Variants in SEC22C observed in about 807,000 individuals in gnomAD.
The protein encoded by SEC22C is vesicle-trafficking protein SEC22c.
In SEC22C, 29 loss-of-function variants were observed where a neutral mutation model predicts 34.7. That is an observed-to-expected ratio of 0.84 (90% CI 0.62 to 1.14). The LOEUF (loss-of-function observed/expected upper bound fraction) is 1.14. Among genes scored for constraint, SEC22C ranks in the 50% most tolerant of loss-of-function variants. The pLI, the probability that SEC22C is intolerant of heterozygous loss-of-function variation, is 0.00. For synonymous variants in SEC22C, 117 were observed against 132.8 expected, an observed-to-expected ratio of 0.88 and a Z score of 0.82; for missense variants, 337 against 369.0, an observed-to-expected ratio of 0.91 and a Z score of 0.71.
intron 4 of SEC22C, among the ~76,000 whole-genome samples, chr3:42,560,020 T>G (rs931501659): frequency 6.6e-6 from 1 of 150,908 alleles, no homozygotes; most frequent in Admixed American, 6.6e-5. Context: ...AACGCTCTCA[T>G]CCCCACTGTC....
intron 1 of SEC22C, chr3:42,600,747 A>T: frequency 5.9e-6 from 2 of 339,834 alleles, no homozygotes; most frequent in Non-Finnish European, 1.1e-5. Flanking sequence ...TCTTCTGCTC[A>T]CGGGGACCCG....
intron 1 of SEC22C, chr3:42,591,105 A>G (rs577666199): frequency 1.0e-6 from 1 of 975,764 alleles, no homozygotes; most frequent in South Asian, 1.5e-5. Context: ...GCGGGGTGAG[A>G]TGGGCACGAA....
At chr3:42,590,279 A>T (rs1041405955) in intron 1 of SEC22C, among the ~76,000 whole-genome samples, 5 of 152,178 alleles carry the variant, frequency 3.3e-5, no homozygotes, top group African/African-American at 4.8e-5. Flanking sequence ...GCACAGAGTG[A>T]TGTAGAGAGG....
chr3:42,568,954 C>CA lies in SEC22C; in HGVS notation c.92dup (p.Leu31PhefsTer27), dbSNP rs771544346. 1 of 1,614,130 alleles carries CA rather than the reference C, an allele frequency of 6.2e-7. No homozygotes were observed. On this transcript the variant is annotated frameshift_variant, in exon 2 of 7. Coordinates refer to ENST00000264454, the MANE Select transcript of SEC22C (RefSeq NM_032970.4). LOFTEE classifies it high-confidence loss of function. ...AACTCTTGAGCCGTCTCCTCCATTC[C>CA]AAAAAATCTTGGGTGTGGTAAAAAT...
chr3:42,591,575 C>T (rs1368848813), intron 1 of SEC22C: 1 of 1,613,884 alleles, frequency 6.2e-7, no homozygotes, highest in East Asian at 2.2e-5. Context: ...AGTATCAGAA[C>T]AAGGGCCGCG....
chr3:42,555,888 G>T (rs762554893), intron 6 of SEC22C, 42 bp downstream of exon 6: 12 of 1,459,800 alleles, frequency 8.2e-6, no homozygotes, highest in Non-Finnish European at 1.1e-5. Flanking sequence ...ACAAAGTAAG[G>T]TCATGGATTT....
intron 1 of SEC22C, chr3:42,573,413 T>C (rs748723125): frequency 1.3e-5 from 2 of 152,266 alleles, no homozygotes; most frequent in Non-Finnish European, 2.9e-5. Context: ...TAGTCTCAGA[T>C]ACTTGGGAGG....
intron 1 of SEC22C, among the ~76,000 whole-genome samples, chr3:42,578,397 T>A (rs1704102860): frequency 6.6e-6 from 1 of 152,084 alleles, no homozygotes; most frequent in Non-Finnish European, 1.5e-5. Context: ...TGATAAACAG[T>A]TGTCAGAGGT....
At chr3:42,577,134 T>C (rs1183805935) in intron 1 of SEC22C, among the ~76,000 whole-genome samples, 2 of 152,040 alleles carry the variant, frequency 1.3e-5, no homozygotes, top group Non-Finnish European at 2.9e-5. Flanking sequence ...GATATAAATA[T>C]GAAAAATAAA....
In SEC22C at chr3:42,549,212, A is replaced by G; in HGVS notation, c.*4036T>C. ...TCTACACGAAAACATTTGGAATGTG[A>G]GCAATGTCTGAACAGGGGCTTGCCA... On this transcript the variant is annotated 3_prime_UTR_variant, in exon 7 of 7. Coordinates refer to ENST00000264454, the MANE Select transcript of SEC22C (RefSeq NM_032970.4). 1 of 986,730 alleles carries G rather than the reference A, an allele frequency of 1.0e-6. No individual in the cohort carries two copies. Among genetic ancestry groups the G allele is most frequent in the Non-Finnish European group, 1.2e-6 (1 of 830,760 alleles). The allele number at this position is 986,730 out of a possible 1,614,324, so 61.1% of individuals were successfully genotyped here. A position where few individuals can be genotyped will look rare whatever the true frequency, so the allele number is the denominator to read the frequency against.
intron 1 of SEC22C, chr3:42,581,251 A>C (rs1023182581): frequency 1.3e-5 from 2 of 152,200 alleles, no homozygotes; most frequent in African/African-American, 4.8e-5. Flanking sequence ...ACCATGTCAC[A>C]AATTTCACCA....
chr3:42,574,091 T>C (rs897289855), intron 1 of SEC22C, among the ~76,000 whole-genome samples: 3 of 150,998 alleles, frequency 2.0e-5, no homozygotes, highest in Non-Finnish European at 3.0e-5. Flanking sequence ...AAAGAAAAAA[T>C]CTTGAAAGCA....
intron 4 of SEC22C, among the ~76,000 whole-genome samples, chr3:42,558,095 A>G (rs1163866820): frequency 2.0e-5 from 3 of 152,350 alleles, no homozygotes; most frequent in Middle Eastern, 3.4e-3. Flanking sequence ...GATAGAGGCC[A>G]GGAATGCTTC....
chr3:42,558,770 C>T lies in SEC22C; in HGVS notation c.527-1074G>A, dbSNP rs114242616. 2.5e-3 allele frequency among the ~76,000 whole-genome samples: 377 copies of T among 151,652 alleles called. 3 individuals are homozygous for T. Among genetic ancestry groups the T allele is most frequent in the African/African-American group, 8.5e-3 (353 of 41,376 alleles). ...TTGCACCATGGTACTTCAGCCTGGGCGACAGAGCAAGAACCTGTCTCAAAA... is the reference window on the plus strand; with the variant it reads ...TTGCACCATGGTACTTCAGCCTGGGTGACAGAGCAAGAACCTGTCTCAAAA... On this transcript the variant is annotated intron_variant, in intron 4 of 6. Coordinates refer to ENST00000264454, the MANE Select transcript of SEC22C (RefSeq NM_032970.4).
intron 1 of SEC22C, chr3:42,591,147 A>G: frequency 3.0e-6 from 2 of 668,850 alleles, no homozygotes; most frequent in South Asian, 3.5e-5. Context: ...GGACCCCGGC[A>G]TGGGGTTCGG....
At chr3:42,598,698 G>A (rs957001821) in intron 1 of SEC22C, among the ~76,000 whole-genome samples, 30 of 151,982 alleles carry the variant, frequency 2.0e-4, no homozygotes, top group Non-Finnish European at 3.1e-4. Flanking sequence ...CAAATTTACA[G>A]AGAGAAAGTA....
rs564284365 is a variant in SEC22C at position 42,561,134 on chromosome 3, G to A, written c.509C>T (p.Pro170Leu). ...CCACTTACCAGGCTCCAAGTGCATC[G>A]GTGTGTGACCATTCATCACCCCATT... ...VANGVMNGHTPMHLEPAPNFR... is the reference protein window; with the variant it reads ...VANGVMNGHTLMHLEPAPNFR... The change falls in exon 4 of 7, where the codon CCG becomes CTG. Residue 170 changes from proline to leucine, a missense_variant. Transcript: ENST00000264454. 6.3e-5 allele frequency: 102 copies of A among 1,613,732 alleles called. No individual in the cohort carries two copies. In the East Asian group the frequency reaches 8.2e-4, roughly 13 times the overall value.
In SEC22C at chr3:42,552,267, T is replaced by C; in HGVS notation, c.*981A>G. The C allele has an allele frequency of 1.0e-6, 1 of 985,416 alleles. No homozygotes were observed. The highest frequency in any genetic ancestry group is 1.2e-6 in the Non-Finnish European group (1 of 829,928). 61.0% of individuals were successfully genotyped at this position (985,416 alleles called of 1,614,324 possible). On this transcript the variant is annotated 3_prime_UTR_variant, in exon 7 of 7. Coordinates refer to ENST00000264454, the MANE Select transcript of SEC22C (RefSeq NM_032970.4). ...GACTGGGAAAGGTGCAGAGGAGTAA[T>C]TAATTTTGGAGGCGCTCTGGGAACA...
chr3:42,585,115 G>A (rs1704569034), upstream of SEC22C, among the ~76,000 whole-genome samples: 1 of 152,092 alleles, frequency 6.6e-6, no homozygotes, highest in East Asian at 1.9e-4. Context: ...ACCTACAAGA[G>A]CGAAACTCCA....
Sources: gnomAD v4.1 joint callset for allele counts (sites outside exome capture counted in the v4.1 genomes callset) on GRCh38, gnomAD v4.1.1 for gene constraint, MANE v1.5 for transcripts, NCBI Gene and HGNC (gene_info 2026-07-23, HGNC 2026-07-21) for gene names.